Variants in CHMP4B observed in about 807,000 individuals in gnomAD.
CHMP4B encodes charged multivesicular body protein 4B, also known as SNF7 homolog associated with Alix 1.
Under a neutral mutation model 25.1 loss-of-function variants are expected in CHMP4B, and 1 was observed. That is an observed-to-expected ratio of 0.04 (90% confidence interval 0.01 to 0.19). The LOEUF (loss-of-function observed/expected upper bound fraction) is 0.19, where lower values mean the gene tolerates loss of function less well. CHMP4B is among the 10% of genes least tolerant of loss of function. The probability of loss-of-function intolerance (pLI) is 1.00; values close to 1 mark genes in which losing one functional copy is unlikely to be tolerated. For synonymous variants in CHMP4B, 101 were observed against 115.6 expected, an observed-to-expected ratio of 0.87 and a Z score of 0.81; for missense variants, 151 against 289.7, an observed-to-expected ratio of 0.52 and a Z score of 3.48.
intron 2 of CHMP4B, 29 bp from the exon 3 acceptor site, chr20:33,850,923 G>T: frequency 6.6e-7 from 1 of 1,511,648 alleles, no homozygotes; most frequent in South Asian, 1.1e-5. Flanking sequence ...CTAATCGATT[G>T]ATATGATACC....
intron 1 of CHMP4B, among the ~76,000 whole-genome samples, chr20:33,820,923 A>G (rs1389537516): frequency 6.6e-6 from 1 of 152,212 alleles, no homozygotes; most frequent in Non-Finnish European, 1.5e-5. Context: ...GTCATAAAAT[A>G]ATTAGCTTTG....
At position 33,842,695 on chromosome 20, in the gene CHMP4B, G is replaced by A. The variant is rs115935675; in HGVS notation, c.191-5772G>A. 7.8e-3 allele frequency among the ~76,000 whole-genome samples: 1,181 copies of A among 152,312 alleles called. 18 individuals are homozygous for A. The highest frequency in any genetic ancestry group is 0.027 in the African/African-American group (1,111 of 41,568). ...ATTTGCTTTGTTGTTCACGCTGAGA[G>A]TGGGAAAGCAGCAGCCCTCTTCCCT... is the stretch of plus-strand genomic sequence containing the variant. On this transcript the variant is annotated intron_variant, in intron 1 of 4. Coordinates refer to ENST00000217402, the MANE Select transcript of CHMP4B (RefSeq NM_176812.5).
intron 1 of CHMP4B, among the ~76,000 whole-genome samples, chr20:33,817,236 G>T (rs1025313678): frequency 2.0e-5 from 3 of 152,210 alleles, no homozygotes; most frequent in African/African-American, 7.2e-5. Flanking sequence ...TGGAAAAATG[G>T]TTGGCTAGAT....
intron 4 of CHMP4B, 94 bp from the exon 5 acceptor site, chr20:33,853,402 G>A: frequency 8.4e-7 from 1 of 1,193,270 alleles, no homozygotes; most frequent in South Asian, 1.2e-5. Context: ...AGGGCTGTTT[G>A]ACAGACACCA....
intron 1 of CHMP4B, among the ~76,000 whole-genome samples, chr20:33,833,983 T>C (rs1293171059): frequency 6.6e-6 from 1 of 152,252 alleles, no homozygotes; most frequent in East Asian, 1.9e-4. Context: ...CTGTTTCATC[T>C]AAGCCGTTGC....
In CHMP4B at chr20:33,811,403, C is replaced by A. The variant is rs913930540; in HGVS notation, c.-66C>A. On this transcript the variant is annotated 5_prime_UTR_variant, in exon 1 of 5. Transcript: ENST00000217402. The stretch of plus-strand genomic sequence containing the variant: ...GACTGGGAGCGGGCGCCGGAGCCGA[C>A]CCGAGCCGAGCCGAGCCGAGCCGAG... 1.5e-6 allele frequency: 2 copies of A among 1,330,538 alleles called. No homozygotes were observed. Among genetic ancestry groups the A allele is most frequent in the South Asian group, 3.7e-5 (2 of 54,014 alleles). 82.4% of individuals were successfully genotyped at this position (1,330,538 alleles called of 1,614,324 possible).
chr20:33,830,463 C>G (rs1979208396), intron 1 of CHMP4B, among the ~76,000 whole-genome samples: 1 of 152,212 alleles, frequency 6.6e-6, no homozygotes, highest in Non-Finnish European at 1.5e-5. Flanking sequence ...TCTGGAGACT[C>G]AGTCGATGGT....
chr20:33,843,933 C>T (rs1301734410), intron 1 of CHMP4B, among the ~76,000 whole-genome samples: 1 of 152,194 alleles, frequency 6.6e-6, no homozygotes, highest in Non-Finnish European at 1.5e-5. Context: ...ATCATGTAGC[C>T]TTTCTCTTTG....
chr20:33,853,620 T>A lies in CHMP4B; in HGVS notation c.*60T>A, dbSNP rs1979919406. The A allele has an allele frequency of 6.9e-7, 1 of 1,441,856 alleles. No homozygotes were observed. Among genetic ancestry groups the A allele is most frequent in the Admixed American group, 1.7e-5 (1 of 59,586 alleles). 89.3% of individuals were successfully genotyped at this position (1,441,856 alleles called of 1,614,324 possible). A position where few individuals can be genotyped will look rare whatever the true frequency, so the allele number is the denominator to read the frequency against. On this transcript the variant is annotated 3_prime_UTR_variant, in exon 5 of 5. Transcript: ENST00000217402. ...TGGTGGCCTGCGCAGCGAGCAGGCGTGTGCGTGTGTGGGGCAGGCAGGATG... is the reference window on the plus strand; with the variant it reads ...TGGTGGCCTGCGCAGCGAGCAGGCGAGTGCGTGTGTGGGGCAGGCAGGATG...
chr20:33,816,253 C>T (rs1415929808), intron 1 of CHMP4B, among the ~76,000 whole-genome samples: 1 of 152,232 alleles, frequency 6.6e-6, no homozygotes, highest in East Asian at 1.9e-4. Flanking sequence ...CAGACGTGAA[C>T]CAGATGTGGT....
chr20:33,819,109 A>G (rs990253376), intron 1 of CHMP4B, among the ~76,000 whole-genome samples: 17 of 152,230 alleles, frequency 1.1e-4, no homozygotes, highest in African/African-American at 3.9e-4. Context: ...ACGAGGTTTC[A>G]CCATGTTAGC....
intron 2 of CHMP4B, among the ~76,000 whole-genome samples, chr20:33,849,059 T>C (rs956058463): frequency 2.0e-5 from 3 of 152,134 alleles, no homozygotes; most frequent in African/African-American, 7.2e-5. Context: ...CCCTGAAATG[T>C]GTGGTTCATC....
At chr20:33,849,467 G>C (rs983085538) in intron 2 of CHMP4B, among the ~76,000 whole-genome samples, 5 of 152,162 alleles carry the variant, frequency 3.3e-5, no homozygotes, top group Non-Finnish European at 5.9e-5. Flanking sequence ...GGGTGTCGTG[G>C]CATGCGCCTG....
intron 1 of CHMP4B, among the ~76,000 whole-genome samples, chr20:33,824,723 T>A (rs1004015200): frequency 2.0e-5 from 3 of 152,044 alleles, no homozygotes; most frequent in Non-Finnish European, 4.4e-5. Context: ...GACTGTCTTG[T>A]GTATTGTAGG....
chr20:33,827,226 G>T (rs1179530461), intron 1 of CHMP4B, among the ~76,000 whole-genome samples: 1 of 152,198 alleles, frequency 6.6e-6, no homozygotes, highest in Non-Finnish European at 1.5e-5. Flanking sequence ...TATGTCTTTG[G>T]ACAAGTAAGG....
chr20:33,811,995 A>C (rs1377595890), intron 1 of CHMP4B, among the ~76,000 whole-genome samples: 1 of 151,652 alleles, frequency 6.6e-6, no homozygotes, highest in African/African-American at 2.4e-5. Flanking sequence ...CTGCCTAGCT[A>C]CTGCCCCTGC....
At chr20:33,829,317 A>G (rs552446290) in intron 1 of CHMP4B, among the ~76,000 whole-genome samples, 1 of 152,346 alleles carries the variant, frequency 6.6e-6, no homozygotes, top group South Asian at 2.1e-4. Context: ...TTGCATTCTC[A>G]GACCACATTG....
chr20:33,848,111 T>A (rs891375249), intron 1 of CHMP4B, among the ~76,000 whole-genome samples: 1 of 151,792 alleles, frequency 6.6e-6, no homozygotes, highest in African/African-American at 2.4e-5. Flanking sequence ...TGACCCCATC[T>A]GGGAAGCCAA....
intron 1 of CHMP4B, among the ~76,000 whole-genome samples, chr20:33,815,823 T>C (rs1978768761): frequency 6.6e-6 from 1 of 152,232 alleles, no homozygotes; most frequent in Non-Finnish European, 1.5e-5. Flanking sequence ...GCATCTTGTG[T>C]TGTTTACTCC....
Sources: allele counts gnomAD v4.1 joint callset (sites outside exome capture counted in the v4.1 genomes callset), GRCh38; gene constraint gnomAD v4.1.1; transcripts MANE v1.5; gene names NCBI Gene and HGNC (gene_info 2026-07-23, HGNC 2026-07-21).